SH3TC2: variants seen among roughly 807,000 people sequenced by gnomAD.
The protein encoded by SH3TC2 is SH3 domain and tetratricopeptide repeat-containing protein 2.
In SH3TC2, 87 loss-of-function variants were observed where a neutral mutation model predicts 124.5. The ratio of observed to expected loss-of-function variants is 0.70; its 90% confidence interval spans 0.59 to 0.84. The LOEUF (loss-of-function observed/expected upper bound fraction) is 0.84. Among genes scored for constraint, SH3TC2 ranks in the 40% least tolerant of loss-of-function variants. The pLI is 0.00. For missense variants in SH3TC2, 1,536 were observed against 1,566.4 expected, an observed-to-expected ratio of 0.98 and a Z score of 0.33; for synonymous variants, 634 against 628.5, an observed-to-expected ratio of 1.01 and a Z score of -0.13.
chr5:149,024,915 T>A (rs10052342), intron 12 of SH3TC2, among the ~76,000 whole-genome samples: 271 of 152,142 alleles, frequency 1.8e-3, no homozygotes, highest in African/African-American at 6.2e-3. Flanking sequence ...AGCTGGTGAG[T>A]AAAGGATGGC....
chr5:148,999,479 A>G lies in SH3TC2; in HGVS notation c.*5232T>C, dbSNP rs1294531658. The stretch of plus-strand genomic sequence containing the variant: ...AGTGAGTGCAGAGCCCATTCCCTTG[A>G]ATTTCTTCCTTCTTTGCCGCTTGTC... On this transcript the variant is annotated 3_prime_UTR_variant, in exon 17 of 17. Transcript: ENST00000515425. Among the ~76,000 whole-genome samples the G allele has an allele frequency of 6.6e-6, 1 of 152,168 alleles. No individual in the cohort carries two copies. The highest frequency in any genetic ancestry group is 1.5e-5 in the Non-Finnish European group (1 of 68,018).
chr5:149,047,045 T>C (rs1028516332), intron 3 of SH3TC2: 19 of 152,220 alleles, frequency 1.2e-4, no homozygotes, highest in African/African-American at 3.9e-4. Flanking sequence ...TATTAGTTTA[T>C]GTAAAGTAAT....
At position 148,985,314 on chromosome 5, in the gene SH3TC2, A is replaced by G. The variant is rs1010424994; in HGVS notation, c.*19397T>C. On this transcript the variant is annotated 3_prime_UTR_variant, in exon 17 of 17. Coordinates refer to ENST00000515425, the MANE Select transcript of SH3TC2 (RefSeq NM_024577.4). ...AGTTTTGGCAAATGCATTCAATGCCATCACTACTACAATCAAGATATAGAA... is the reference window on the plus strand; with the variant it reads ...AGTTTTGGCAAATGCATTCAATGCCGTCACTACTACAATCAAGATATAGAA... Among the ~76,000 whole-genome samples the G allele has an allele frequency of 4.6e-5, 7 of 152,224 alleles. No individual in the cohort carries two copies. The highest frequency in any genetic ancestry group is 1.7e-4 in the African/African-American group (7 of 41,466).
intron 12 of SH3TC2, among the ~76,000 whole-genome samples, chr5:149,023,833 C>T (rs1396088746): frequency 6.6e-6 from 1 of 152,064 alleles, no homozygotes; most frequent in Non-Finnish European, 1.5e-5. Flanking sequence ...GATTCACCTG[C>T]CTCAGCCTGG....
intron 15 of SH3TC2, chr5:149,007,529 T>C (rs1489509395): frequency 1.1e-5 from 3 of 271,688 alleles, no homozygotes; most frequent in East Asian, 8.4e-5. Flanking sequence ...GTATAATAAA[T>C]GTCTTCCTCA....
chr5:149,047,801 G>T, intron 3 of SH3TC2, 61 bp downstream of exon 3: 2 of 1,608,128 alleles, frequency 1.2e-6, no homozygotes, highest in South Asian at 2.2e-5. Flanking sequence ...AGATGCTAGG[G>T]ATCCTGTAGC....
At chr5:149,043,465 C>A (rs1754405386) in intron 4 of SH3TC2, among the ~76,000 whole-genome samples, 2 of 152,166 alleles carry the variant, frequency 1.3e-5, no homozygotes, top group South Asian at 4.1e-4. Context: ...CTTGAGGCTT[C>A]TTCTGTTTCC....
chr5:149,040,098 G>A (rs1219523762), intron 7 of SH3TC2, among the ~76,000 whole-genome samples: 1 of 151,408 alleles, frequency 6.6e-6, no homozygotes, highest in Non-Finnish European at 1.5e-5. Context: ...TACTTAAATT[G>A]TGTGTGTGTG....
In SH3TC2 at chr5:148,985,882, C is replaced by G. The variant is rs566606652; in HGVS notation, c.*18829G>C. 3.3e-5 allele frequency among the ~76,000 whole-genome samples: 5 copies of G among 152,244 alleles called. No homozygotes were observed. The highest frequency in any genetic ancestry group is 1.2e-4 in the African/African-American group (5 of 41,538). ...GTCATTTTTATATAGATTTGGCCCA[C>G]TATCATATCTCCATTAGGGCTCAAA... On this transcript the variant is annotated 3_prime_UTR_variant, in exon 17 of 17. Transcript: ENST00000515425.
At chr5:149,032,621 T>C (rs1359587483) in intron 8 of SH3TC2, among the ~76,000 whole-genome samples, 1 of 152,218 alleles carries the variant, frequency 6.6e-6, no homozygotes, top group Non-Finnish European at 1.5e-5. Context: ...ACATTTGCCA[T>C]ACAAGGCACG....
intron 3 of SH3TC2, chr5:149,046,679 C>T (rs1054314299): frequency 1.3e-5 from 2 of 152,162 alleles, no homozygotes; most frequent in Non-Finnish European, 2.9e-5. Context: ...AACTGTAGCC[C>T]ACAAGTATGT....
At position 149,062,339 on chromosome 5, in the gene SH3TC2, G is replaced by T. The variant is rs763403123; in HGVS notation, c.52+632C>A. On this transcript the variant is annotated intron_variant, in intron 1 of 16. Transcript: ENST00000515425. ...TTGCTTCAGGGAGACCAACCAGCCTGGTTGGCCTGGAACTGACATATCCCA... is the reference window on the plus strand; with the variant it reads ...TTGCTTCAGGGAGACCAACCAGCCTTGTTGGCCTGGAACTGACATATCCCA... 5.6e-6 allele frequency: 3 copies of T among 532,212 alleles called. No individual in the cohort carries two copies. In the Admixed American group the frequency reaches 5.8e-5, roughly 10 times the overall value. The allele number at this position is 532,212 out of a possible 1,614,324, so 33.0% of individuals were successfully genotyped here.
rs1199396308 is a variant in SH3TC2, at chr5:149,038,783, G to T, written c.806-293C>A. On this transcript the variant is annotated intron_variant, in intron 7 of 16. Transcript: ENST00000515425. ...CAGATAGCGGATATGCCTTAAAAAT[G>T]AATAAACATAGCTTATGGGAAACTG... Among the ~76,000 whole-genome samples, 3 of 152,306 alleles carry T rather than the reference G, an allele frequency of 2.0e-5. No homozygotes were observed. In the East Asian group the frequency reaches 5.8e-4, roughly 29 times the overall value.
rs993818388 is a variant in SH3TC2 at position 148,985,842 on chromosome 5, T to A, written c.*18869A>T. On this transcript the variant is annotated 3_prime_UTR_variant, in exon 17 of 17. Transcript: ENST00000515425. ...CCAGCAGCAATAGCCACTTTTATTT[T>A]TCAATGTGTGGAATGTCATTTTTAT... Among the ~76,000 whole-genome samples, 3 of 152,198 alleles carry A rather than the reference T, an allele frequency of 2.0e-5. No individual in the cohort carries two copies. Among genetic ancestry groups the A allele is most frequent in the Non-Finnish European group, 2.9e-5 (2 of 68,028 alleles).
rs182046198 is a variant in SH3TC2, at chr5:148,983,816, G to T, written c.*20895C>A. Among the ~76,000 whole-genome samples, 5 of 152,272 alleles carry T rather than the reference G, an allele frequency of 3.3e-5. No individual in the cohort carries two copies. Among genetic ancestry groups the T allele is most frequent in the African/African-American group, 9.6e-5 (4 of 41,554 alleles). The stretch of plus-strand genomic sequence containing the variant: ...TTTTTTCTGTTCCAGTCAAACACAG[G>T]GGAGAGGGAAGATAAGATGTAAACT... On this transcript the variant is annotated 3_prime_UTR_variant, in exon 17 of 17. Coordinates refer to ENST00000515425, the MANE Select transcript of SH3TC2 (RefSeq NM_024577.4).
At chr5:149,016,617 A>G (rs2127394311) in intron 12 of SH3TC2, among the ~76,000 whole-genome samples, 1 of 152,330 alleles carries the variant, frequency 6.6e-6, no homozygotes, top group East Asian at 1.9e-4. Flanking sequence ...AAAAATAAGA[A>G]GCATAAATGT....
intron 5 of SH3TC2, among the ~76,000 whole-genome samples, chr5:149,042,132 C>T (rs371757244): frequency 1.3e-5 from 2 of 152,256 alleles, no homozygotes; most frequent in South Asian, 2.1e-4. Flanking sequence ...GCTCTTTCCA[C>T]GTGTCTGTGA....
In SH3TC2 at chr5:149,001,126, C is replaced by T. The variant is rs1753590331; in HGVS notation, c.*3585G>A. Among the ~76,000 whole-genome samples, 1 of 151,968 alleles carries T rather than the reference C, an allele frequency of 6.6e-6. No individual in the cohort carries two copies. Among genetic ancestry groups the T allele is most frequent in the South Asian group, 2.1e-4 (1 of 4,806 alleles). On this transcript the variant is annotated 3_prime_UTR_variant, in exon 17 of 17. Transcript: ENST00000515425. ...TTCCCTTCCCCAAATAAACTTCTGC[C>T]AAATGAGGTGCATTATATTTACAAA...
rs1162619599 is a variant in SH3TC2 at position 148,993,488 on chromosome 5, C to A, written c.*11223G>T. ...CTTGGAGTAAAAATGATTGAGTAAG[C>A]ATTAATTAAGAAAATACTTTCTTGA... On this transcript the variant is annotated 3_prime_UTR_variant, in exon 17 of 17. Coordinates refer to ENST00000515425, the MANE Select transcript of SH3TC2 (RefSeq NM_024577.4). Among the ~76,000 whole-genome samples the A allele has an allele frequency of 6.6e-6, 1 of 152,152 alleles. No homozygotes were observed. The highest frequency in any genetic ancestry group is 1.5e-5 in the Non-Finnish European group (1 of 68,028).
Sources: allele counts gnomAD v4.1 joint callset (sites outside exome capture counted in the v4.1 genomes callset), GRCh38; gene constraint gnomAD v4.1.1; transcripts MANE v1.5; gene names NCBI Gene and HGNC (gene_info 2026-07-23, HGNC 2026-07-21).